Variants in PHF24 observed in about 807,000 individuals in gnomAD.
The protein encoded by PHF24 is Galpha inhibitory interacting protein.
PHF24 carries 25 observed loss-of-function variants against 42.6 expected under a neutral mutation model. That is an observed-to-expected ratio of 0.59 (90% confidence interval 0.43 to 0.82). The LOEUF is 0.82. PHF24 is among the 40% of genes least tolerant of loss of function. The probability of loss-of-function intolerance (pLI) is 0.00; values close to 1 mark genes in which losing one functional copy is unlikely to be tolerated. For synonymous variants in PHF24, 185 were observed against 204.8 expected (o/e 0.90, Z 0.83); for missense variants, 470 against 538.1 (o/e 0.87, Z 1.25).
the PHF24 span, among the ~76,000 whole-genome samples, chr9:34,853,745 G>T: frequency 6.7e-6 from 1 of 149,126 alleles, no homozygotes; most frequent in East Asian, 2.0e-4. Flanking sequence ...GGAGAATGGC[G>T]TGAACCCGGG....
rs370692478 is a variant in PHF24, at chr9:34,970,953, A to G, written c.-4-342A>G. 6.1e-4 allele frequency among the ~76,000 whole-genome samples: 93 copies of G among 152,294 alleles called. No individual in the cohort carries two copies. The East Asian group carries it at 0.015, about 24-fold the overall frequency. ...GAAAACCAAAGTTGCAAGGCCTGTC[A>G]GAAATCGAACCAAAGTCATCCAGGC... On this transcript the variant is annotated intron_variant, in intron 1 of 7. Coordinates refer to ENST00000242315, the Ensembl canonical transcript of PHF24.
the PHF24 span, among the ~76,000 whole-genome samples, chr9:34,770,204 G>A: frequency 6.6e-6 from 1 of 152,210 alleles, no homozygotes; most frequent in Non-Finnish European, 1.5e-5. Context: ...AGTACCCAAT[G>A]ATCCAACAGA....
chr9:34,874,079 C>T, the PHF24 span, among the ~76,000 whole-genome samples: 1 of 152,136 alleles, frequency 6.6e-6, no homozygotes, highest in African/African-American at 2.4e-5. Flanking sequence ...TGCTTATCAG[C>T]TTAAGGAGAT....
the PHF24 span, among the ~76,000 whole-genome samples, chr9:34,782,452 A>T: frequency 6.6e-6 from 1 of 152,156 alleles, no homozygotes; most frequent in Admixed American, 6.5e-5. Context: ...CGCTTATGAA[A>T]AGTTGAGGAT....
the PHF24 span, among the ~76,000 whole-genome samples, chr9:34,733,856 A>C: frequency 6.6e-6 from 1 of 152,188 alleles, no homozygotes; most frequent in East Asian, 1.9e-4. Context: ...TCCTGAAGTT[A>C]TAAAAAAGTT....
chr9:34,797,550 A>T, the PHF24 span, among the ~76,000 whole-genome samples: 1 of 152,114 alleles, frequency 6.6e-6, no homozygotes, highest in African/African-American at 2.4e-5. Context: ...GCCCAGGCCA[A>T]ACTCTGCCTT....
chr9:34,846,992 G>T, the PHF24 span, among the ~76,000 whole-genome samples: 1 of 152,134 alleles, frequency 6.6e-6, no homozygotes, highest in East Asian at 1.9e-4. Context: ...ATGCTGTTTT[G>T]CCTACTGTAG....
the PHF24 span, among the ~76,000 whole-genome samples, chr9:34,669,196 G>T: frequency 6.6e-6 from 1 of 152,116 alleles, no homozygotes; most frequent in Non-Finnish European, 1.5e-5. Context: ...ACCTCCTGAG[G>T]CTGTATCATG....
the PHF24 span, among the ~76,000 whole-genome samples, chr9:34,905,529 A>C: frequency 6.6e-6 from 1 of 152,368 alleles, no homozygotes; most frequent in South Asian, 2.1e-4. Context: ...TATGTGGTAT[A>C]TAATCTCCTT....
chr9:34,731,638 T>C, the PHF24 span, among the ~76,000 whole-genome samples: 9 of 152,250 alleles, frequency 5.9e-5, no homozygotes, highest in African/African-American at 1.9e-4. Context: ...CCTCATTCTT[T>C]TTTTATGGCT....
chr9:34,671,090 T>C, the PHF24 span, among the ~76,000 whole-genome samples: 2 of 152,178 alleles, frequency 1.3e-5, no homozygotes, highest in Admixed American at 6.5e-5. Flanking sequence ...CTCTCCCTTA[T>C]TGACCCATTT....
chr9:34,778,519 G>A, the PHF24 span, among the ~76,000 whole-genome samples: 1 of 151,842 alleles, frequency 6.6e-6, no homozygotes, highest in African/African-American at 2.4e-5. Flanking sequence ...AATGCCATTA[G>A]GTATAATGGA....
At chr9:34,715,903 G>A in the PHF24 span, among the ~76,000 whole-genome samples, 2 of 152,336 alleles carry the variant, frequency 1.3e-5, no homozygotes, top group East Asian at 3.9e-4. Flanking sequence ...TCTCAGGCCC[G>A]TTTGCTCTTG....
chr9:34,709,311 A>T, the PHF24 span: 1 of 1,539,978 alleles, frequency 6.5e-7, no homozygotes, highest in Non-Finnish European at 8.9e-7. Flanking sequence ...CCCTGAGCAT[A>T]GCCTCCTTCT....
At chr9:34,908,905 T>C in the PHF24 span, among the ~76,000 whole-genome samples, 1 of 150,972 alleles carries the variant, frequency 6.6e-6, no homozygotes, top group Non-Finnish European at 1.5e-5. Flanking sequence ...TGGAGTGCAG[T>C]GGTGCGATCT....
At chr9:34,939,739 A>T in the PHF24 span, among the ~76,000 whole-genome samples, 2 of 152,264 alleles carry the variant, frequency 1.3e-5, no homozygotes, top group Middle Eastern at 3.4e-3. Flanking sequence ...ATGGTCCCAC[A>T]CATCTACTTC....
At chr9:34,892,439 G>A in the PHF24 span, among the ~76,000 whole-genome samples, 1 of 152,186 alleles carries the variant, frequency 6.6e-6, no homozygotes. Context: ...AAGTGGTGTG[G>A]TATAAGCTGC....
At chr9:34,885,078 A>G in the PHF24 span, among the ~76,000 whole-genome samples, 2 of 152,324 alleles carry the variant, frequency 1.3e-5, no homozygotes, top group Non-Finnish European at 2.9e-5. Context: ...TTCCTCCTAC[A>G]TGGCTTTCTG....
At chr9:34,750,388 G>A in the PHF24 span, among the ~76,000 whole-genome samples, 1 of 151,936 alleles carries the variant, frequency 6.6e-6, no homozygotes, top group Admixed American at 6.6e-5. Flanking sequence ...TACTTAGGAG[G>A]GTGTGGCATG....
Sources: allele counts gnomAD v4.1 joint callset (sites outside exome capture counted in the v4.1 genomes callset), GRCh38; gene constraint gnomAD v4.1.1; transcripts MANE v1.5; gene names NCBI Gene and HGNC (gene_info 2026-07-23, HGNC 2026-07-21).